The following EEPD1 variants were observed in gnomAD, a reference collection of about 807,000 sequenced individuals.
EEPD1 encodes the protein endonuclease/exonuclease/phosphatase family domain containing 1, also known as endonuclease/exonuclease/phosphatase family domain-containing protein 1.
In EEPD1, 17 loss-of-function variants were observed where a neutral mutation model predicts 46.3. The ratio of observed to expected loss-of-function variants is 0.37; its 90% CI spans 0.25 to 0.55. The LOEUF (loss-of-function observed/expected upper bound fraction) is 0.55. Among genes scored for constraint, EEPD1 ranks in the 20% least tolerant of loss-of-function variants. The pLI is 0.83. For missense variants in EEPD1, 673 were observed against 745.6 expected (o/e 0.90, Z 1.13); for synonymous variants, 313 against 315.6 (o/e 0.99, Z 0.09).
chr7:36,239,067 C>G (rs1786508144), intron 3 of EEPD1, 31 bp downstream of exon 3: 9 of 1,608,132 alleles, frequency 5.6e-6, no homozygotes, highest in Non-Finnish European at 6.8e-6. Context: ...TCCACATTCA[C>G]AAACCAAGAA....
At chr7:36,220,317 A>C (rs1014232646) in intron 2 of EEPD1, among the ~76,000 whole-genome samples, 4 of 152,148 alleles carry the variant, frequency 2.6e-5, no homozygotes, top group Non-Finnish European at 5.9e-5. Context: ...TGAAAAACTT[A>C]AGGGGGAAGG....
chr7:36,185,221 C>T (rs1221187286), intron 2 of EEPD1, among the ~76,000 whole-genome samples: 2 of 152,204 alleles, frequency 1.3e-5, no homozygotes, highest in African/African-American at 4.8e-5. Flanking sequence ...GGCATCGTTG[C>T]ACTTCTCATA....
chr7:36,175,625 T>C (rs2115640960), intron 2 of EEPD1, among the ~76,000 whole-genome samples: 1 of 152,202 alleles, frequency 6.6e-6, no homozygotes, highest in South Asian at 2.1e-4. Context: ...CTGTGTTTTG[T>C]AGGACGTTTA....
rs996855727 is a variant in EEPD1, at chr7:36,262,353, GA to G, written c.931-18753del. Among the ~76,000 whole-genome samples, 12 of 150,952 alleles carry G rather than the reference GA, an allele frequency of 7.9e-5. No homozygotes were observed. In the South Asian group the frequency reaches 1.0e-3, roughly 13 times the overall value. On this transcript the variant is annotated intron_variant, in intron 3 of 7. Transcript: ENST00000242108. ...CAACCTCAGTTTTTGCTTCTCAGAG[GA>G]AAAAAAAATTGTCTGAGGGTCATCA...
intron 2 of EEPD1, among the ~76,000 whole-genome samples, chr7:36,207,149 G>A (rs913001586): frequency 6.6e-6 from 1 of 152,178 alleles, no homozygotes; most frequent in Non-Finnish European, 1.5e-5. Context: ...CAGGTGCTAG[G>A]CCCTAATTTG....
At chr7:36,230,637 G>A (rs1254729602) in intron 2 of EEPD1, 2 of 152,322 alleles carry the variant, frequency 1.3e-5, no homozygotes, top group East Asian at 3.9e-4. Flanking sequence ...CTACTCCTCA[G>A]GAAGCCTCCC....
intron 3 of EEPD1, among the ~76,000 whole-genome samples, chr7:36,264,454 G>A (rs753854285): frequency 1.5e-4 from 23 of 152,206 alleles, no homozygotes; most frequent in Non-Finnish European, 2.5e-4. Flanking sequence ...GGACCACATC[G>A]TGGCGTGTGT....
At position 36,281,140 on chromosome 7, in the gene EEPD1, C is replaced by T; in HGVS notation, c.956C>T (p.Thr319Ile). The T allele has an allele frequency of 6.2e-7, 1 of 1,614,166 alleles. No individual in the cohort carries two copies. The highest frequency in any genetic ancestry group is 8.5e-7 in the Non-Finnish European group (1 of 1,180,056). The stretch of plus-strand genomic sequence containing the variant: ...TTCTGCACGGAGCTAAACCAGCCGA[C>T]CCTGCCCAACATCCGCAAGTGGAAG... Reference protein sequence around the residue: ...EKFCTELNQPTLPNIRKWKGP... With the variant: ...EKFCTELNQPILPNIRKWKGP... Residue 319 changes from threonine (T) to isoleucine (I), a missense_variant, in exon 4 of 8, where the codon ACC becomes ATC. Transcript: ENST00000242108.
At chr7:36,246,411 T>C (rs1202999245) in intron 3 of EEPD1, among the ~76,000 whole-genome samples, 1 of 152,210 alleles carries the variant, frequency 6.6e-6, no homozygotes, top group Admixed American at 6.5e-5. Context: ...ATTAGGATAT[T>C]GTTATGAGAA....
At chr7:36,235,355 T>A (rs906704438) in intron 2 of EEPD1, among the ~76,000 whole-genome samples, 8 of 152,292 alleles carry the variant, frequency 5.3e-5, no homozygotes, top group African/African-American at 1.9e-4. Context: ...CCCTGGTTGC[T>A]GGCTGTAGCC....
intron 2 of EEPD1, among the ~76,000 whole-genome samples, chr7:36,196,794 C>T (rs1583801758): frequency 6.6e-6 from 1 of 152,170 alleles, no homozygotes; most frequent in East Asian, 1.9e-4. Context: ...TGCCTTGGCC[C>T]CCCAAAGTGC....
chr7:36,156,479 T>A (rs1471372682), intron 2 of EEPD1, among the ~76,000 whole-genome samples: 1 of 152,170 alleles, frequency 6.6e-6, no homozygotes, highest in Non-Finnish European at 1.5e-5. Flanking sequence ...CCGGGAGATA[T>A]TTATAAAGAA....
At chr7:36,263,872 G>A (rs547041005) in intron 3 of EEPD1, among the ~76,000 whole-genome samples, 3 of 152,120 alleles carry the variant, frequency 2.0e-5, no homozygotes, top group Non-Finnish European at 2.9e-5. Context: ...ATTCTTGTCC[G>A]GCACTTGCTT....
chr7:36,293,889 G>A (rs553265333), intron 6 of EEPD1, among the ~76,000 whole-genome samples: 10 of 152,082 alleles, frequency 6.6e-5, no homozygotes, highest in African/African-American at 2.2e-4. Context: ...GCTTGAACCC[G>A]GGAGGCGGAA....
intron 3 of EEPD1, among the ~76,000 whole-genome samples, chr7:36,269,185 C>T (rs979998279): frequency 1.3e-5 from 2 of 152,132 alleles, no homozygotes. Context: ...TAGGACTTCA[C>T]GCGCTCCTCA....
intron 2 of EEPD1, among the ~76,000 whole-genome samples, chr7:36,220,687 C>T (rs553276931): frequency 6.6e-6 from 1 of 152,318 alleles, no homozygotes; most frequent in South Asian, 2.1e-4. Flanking sequence ...GAAAATGTCT[C>T]TGATGTCTGT....
At chr7:36,200,546 AAAG>A (rs1295678833) in intron 2 of EEPD1, among the ~76,000 whole-genome samples, 1 of 152,208 alleles carries the variant, frequency 6.6e-6, no homozygotes, top group Non-Finnish European at 1.5e-5. Flanking sequence ...CCAATTCTAA[AAAG>A]AAGAACTTAC....
chr7:36,206,382 CTT>C (rs1274264722), intron 2 of EEPD1, among the ~76,000 whole-genome samples: 3 of 151,404 alleles, frequency 2.0e-5, no homozygotes, highest in African/African-American at 7.3e-5. Flanking sequence ...AATATTAACA[CTT>C]ATGCACATAA....
At chr7:36,202,028 A>G (rs1174134820) in intron 2 of EEPD1, among the ~76,000 whole-genome samples, 1 of 152,158 alleles carries the variant, frequency 6.6e-6, no homozygotes, top group Non-Finnish European at 1.5e-5. Flanking sequence ...GGCCCCACCC[A>G]CAGACTCAAG....
Sources: gnomAD v4.1 joint callset for allele counts (sites outside exome capture counted in the v4.1 genomes callset) on GRCh38, gnomAD v4.1.1 for gene constraint, MANE v1.5 for transcripts, NCBI Gene and HGNC (gene_info 2026-07-23, HGNC 2026-07-21) for gene names.